PTPRO: variants seen among roughly 807,000 people sequenced by gnomAD.
The protein encoded by PTPRO is protein tyrosine phosphatase receptor type O, also known as receptor-type tyrosine-protein phosphatase O.
Under a neutral mutation model 145.2 loss-of-function variants are expected in PTPRO, and 62 were observed. The observed-to-expected ratio is 0.43, with a 90% CI of 0.35 to 0.53. The LOEUF is 0.53. Ranked by LOEUF, PTPRO falls within the 20% of genes least tolerant of loss-of-function variation. The pLI, the probability that PTPRO is intolerant of heterozygous loss-of-function variation, is 0.01. For synonymous variants in PTPRO, 565 were observed against 514.7 expected, an observed-to-expected ratio of 1.10 and a Z score of -1.32; for missense variants, 1,345 against 1,482.7, an observed-to-expected ratio of 0.91 and a Z score of 1.53.
intron 1 of PTPRO, among the ~76,000 whole-genome samples, chr12:15,442,355 A>G (rs1940791774): frequency 6.6e-6 from 1 of 152,184 alleles, no homozygotes; most frequent in African/African-American, 2.4e-5. Flanking sequence ...TCAAAATAAT[A>G]AAAGCAATCT....
chr12:15,343,566 T>C (rs1343103168), intron 1 of PTPRO, among the ~76,000 whole-genome samples: 1 of 152,086 alleles, frequency 6.6e-6, no homozygotes, highest in Non-Finnish European at 1.5e-5. Context: ...CTCGCACCTG[T>C]AGTTCCAGCT....
chr12:15,479,832 T>C (rs973218276), intron 1 of PTPRO, among the ~76,000 whole-genome samples: 1 of 152,188 alleles, frequency 6.6e-6, no homozygotes, highest in Non-Finnish European at 1.5e-5. Flanking sequence ...AGCCCTGCAC[T>C]GTTCTCCTCT....
chr12:15,364,579 T>A (rs1482946241), intron 1 of PTPRO, among the ~76,000 whole-genome samples: 1 of 152,150 alleles, frequency 6.6e-6, no homozygotes, highest in Non-Finnish European at 1.5e-5. Context: ...TTAGTAAAGA[T>A]GTGCATTCCA....
At chr12:15,409,747 T>C (rs1398893516) in intron 1 of PTPRO, among the ~76,000 whole-genome samples, 1 of 152,098 alleles carries the variant, frequency 6.6e-6, no homozygotes, top group African/African-American at 2.4e-5. Context: ...AAGGAGAAGG[T>C]GCTACACACT....
chr12:15,524,449 C>A (rs142428759), intron 10 of PTPRO, among the ~76,000 whole-genome samples: 1,906 of 152,226 alleles, frequency 0.013, 53 homozygotes, highest in African/African-American at 0.044. Flanking sequence ...TCCTACTTGG[C>A]TAATAACTCC....
At chr12:15,508,796 G>T in intron 7 of PTPRO, 29 bp downstream of exon 7, 1 of 1,606,088 alleles carries the variant, frequency 6.2e-7, no homozygotes, top group Middle Eastern at 1.7e-4. Flanking sequence ...GAATGGGCTC[G>T]CCGGTCCTTC....
At chr12:15,501,224 T>C (rs1479522439) in intron 4 of PTPRO, among the ~76,000 whole-genome samples, 1 of 152,204 alleles carries the variant, frequency 6.6e-6, no homozygotes, top group African/African-American at 2.4e-5. Context: ...TAGCTATAAG[T>C]ACACTATACT....
At chr12:15,420,482 A>G (rs111320032) in intron 1 of PTPRO, among the ~76,000 whole-genome samples, 3,253 of 151,678 alleles carry the variant, frequency 0.021, 64 homozygotes, top group Non-Finnish European at 0.033. Context: ...AGCCATTCCA[A>G]TTGTGGAAAC....
chr12:15,426,887 T>C (rs543385758), intron 1 of PTPRO, among the ~76,000 whole-genome samples: 7 of 152,184 alleles, frequency 4.6e-5, no homozygotes, highest in Admixed American at 3.9e-4. Flanking sequence ...TAATGGGGTA[T>C]TGACTGTTAA....
chr12:15,356,994 C>T lies in PTPRO; in HGVS notation c.75+34193C>T, dbSNP rs149220374. Among the ~76,000 whole-genome samples, 47 of 152,192 alleles carry T rather than the reference C, an allele frequency of 3.1e-4. No homozygotes were observed. In the East Asian group the frequency reaches 7.7e-3, roughly 25 times the overall value. On this transcript the variant is annotated intron_variant, in intron 1 of 26. Transcript: ENST00000281171. ...CTTCATTCTATTGTCTATCCCTGCA[C>T]GCAGCCACTGTGGGGGTGGCTGTCA... is the stretch of plus-strand genomic sequence containing the variant.
intron 7 of PTPRO, among the ~76,000 whole-genome samples, chr12:15,512,285 T>C (rs1165580943): frequency 6.6e-6 from 1 of 152,106 alleles, no homozygotes; most frequent in Non-Finnish European, 1.5e-5. Context: ...TCACTAATTT[T>C]TGTATTTTTA....
intron 7 of PTPRO, among the ~76,000 whole-genome samples, chr12:15,513,175 AAG>A (rs1208429949): frequency 6.6e-5 from 6 of 90,628 alleles, no homozygotes; most frequent in African/African-American, 2.8e-4. Flanking sequence ...GAAAGAAAGA[AAG>A]AAAGAAAGAA....
chr12:15,373,257 A>T (rs1362077776), intron 1 of PTPRO, among the ~76,000 whole-genome samples: 1 of 152,214 alleles, frequency 6.6e-6, no homozygotes, highest in Non-Finnish European at 1.5e-5. Context: ...TAATGCTAGC[A>T]TGATGGTGAC....
chr12:15,353,156 A>T (rs1419539429), intron 1 of PTPRO, among the ~76,000 whole-genome samples: 1 of 152,162 alleles, frequency 6.6e-6, no homozygotes, highest in Non-Finnish European at 1.5e-5. Flanking sequence ...TATCCATTAG[A>T]CATAGAAGTC....
chr12:15,422,028 T>G (rs1305393116), intron 1 of PTPRO, among the ~76,000 whole-genome samples: 1 of 152,016 alleles, frequency 6.6e-6, no homozygotes, highest in East Asian at 1.9e-4. Context: ...AGCTCGCCCA[T>G]TTAAAGAAAA....
At chr12:15,524,299 A>T (rs993702176) in intron 10 of PTPRO, among the ~76,000 whole-genome samples, 1 of 152,090 alleles carries the variant, frequency 6.6e-6, no homozygotes, top group Admixed American at 6.6e-5. Flanking sequence ...TTATGCAAAT[A>T]ACATTTGTCT....
intron 1 of PTPRO, among the ~76,000 whole-genome samples, chr12:15,377,871 TAA>T (rs1565595313): frequency 6.6e-6 from 1 of 152,058 alleles, no homozygotes; most frequent in Non-Finnish European, 1.5e-5. Flanking sequence ...ATGTGAAAAT[TAA>T]AAAACACACT....
chr12:15,536,373 G>A (rs1332631793), intron 12 of PTPRO, among the ~76,000 whole-genome samples: 1 of 152,200 alleles, frequency 6.6e-6, no homozygotes, highest in East Asian at 1.9e-4. Context: ...GTAAACCAAA[G>A]AGATCACTGG....
chr12:15,447,042 T>C (rs890760365), intron 1 of PTPRO, among the ~76,000 whole-genome samples: 4 of 152,130 alleles, frequency 2.6e-5, no homozygotes, highest in Non-Finnish European at 5.9e-5. Context: ...GACTTCTTGG[T>C]GTTTTGCTTA....
Sources: allele counts gnomAD v4.1 joint callset (sites outside exome capture counted in the v4.1 genomes callset), GRCh38; gene constraint gnomAD v4.1.1; transcripts MANE v1.5; gene names NCBI Gene and HGNC (gene_info 2026-07-23, HGNC 2026-07-21).